The following CTNNA2 variants were observed in gnomAD, a reference collection of about 807,000 sequenced individuals.
CTNNA2 encodes the protein catenin alpha 2, also known as catenin alpha-2.
Under a neutral mutation model 101.0 loss-of-function variants are expected in CTNNA2, and 42 were observed. The ratio of observed to expected loss-of-function variants is 0.42; its 90% CI spans 0.32 to 0.54. CTNNA2 has a LOEUF of 0.54. Ranked by LOEUF, CTNNA2 falls within the 20% of genes least tolerant of loss-of-function variation. The pLI is 0.14. For missense variants in CTNNA2, 871 were observed against 1,223.1 expected (o/e 0.71, Z 4.29); for synonymous variants, 450 against 456.4 (o/e 0.99, Z 0.18).
At chr2:79,439,955 A>G (rs2104517417) in intron 4 of CTNNA2, among the ~76,000 whole-genome samples, 2 of 152,286 alleles carry the variant, frequency 1.3e-5, no homozygotes, top group Non-Finnish European at 2.9e-5. Flanking sequence ...AAGGTAAACT[A>G]TTAGATTTTT....
At chr2:80,351,913 T>C (rs1673337401) in intron 7 of CTNNA2, among the ~76,000 whole-genome samples, 2 of 152,112 alleles carry the variant, frequency 1.3e-5, no homozygotes, top group Admixed American at 1.3e-4. Context: ...ATTCAGCATA[T>C]TAGCCACTCA....
intron 13 of CTNNA2, chr2:80,576,251 T>C (rs941579615): frequency 6.6e-6 from 1 of 152,104 alleles, no homozygotes; most frequent in Non-Finnish European, 1.5e-5. Flanking sequence ...GGTATCCAAG[T>C]GCTTGAGGCC....
At chr2:79,978,344 G>A (rs886221390) in intron 7 of CTNNA2, among the ~76,000 whole-genome samples, 3 of 152,078 alleles carry the variant, frequency 2.0e-5, no homozygotes, top group African/African-American at 4.8e-5. Flanking sequence ...CTTTGTTTGG[G>A]ATGTGTGTTC....
chr2:79,567,925 A>G (rs1675216670), intron 1 of CTNNA2, among the ~76,000 whole-genome samples: 1 of 152,172 alleles, frequency 6.6e-6, no homozygotes, highest in Non-Finnish European at 1.5e-5. Context: ...GCCAGAGAAG[A>G]CTGGACTATT....
chr2:80,565,337 G>A (rs1693961567), intron 12 of CTNNA2, among the ~76,000 whole-genome samples: 1 of 152,092 alleles, frequency 6.6e-6, no homozygotes, highest in Admixed American at 6.6e-5. Flanking sequence ...CTTGTCCTGA[G>A]GGCAGATTAT....
At chr2:80,491,358 C>T (rs781020148) in intron 9 of CTNNA2, among the ~76,000 whole-genome samples, 7 of 152,148 alleles carry the variant, frequency 4.6e-5, no homozygotes, top group Non-Finnish European at 7.3e-5. Context: ...GGTGGGAGAA[C>T]GGCATGATCA....
chr2:79,810,307 TGA>T (rs1676907479), intron 3 of CTNNA2, among the ~76,000 whole-genome samples: 1 of 151,892 alleles, frequency 6.6e-6, no homozygotes, highest in African/African-American at 2.4e-5. Context: ...CGAGGGAGAA[TGA>T]GAGCCAAGCG....
intron 7 of CTNNA2, among the ~76,000 whole-genome samples, chr2:79,966,299 A>G (rs1376825544): frequency 6.6e-6 from 1 of 152,130 alleles, no homozygotes; most frequent in African/African-American, 2.4e-5. Context: ...GCAGTGGCAC[A>G]GTCATGGCTC....
At chr2:80,635,755 A>G (rs556555019) in intron 18 of CTNNA2, among the ~76,000 whole-genome samples, 9 of 151,830 alleles carry the variant, frequency 5.9e-5, no homozygotes, top group African/African-American at 2.2e-4. Flanking sequence ...ACTCTCATCA[A>G]TTGCTAGTGT....
chr2:79,372,068 G>A (rs1270324753), intron 3 of CTNNA2, among the ~76,000 whole-genome samples: 1 of 152,076 alleles, frequency 6.6e-6, no homozygotes, highest in Non-Finnish European at 1.5e-5. Flanking sequence ...ATGGATACCT[G>A]GGCCCTTGCC....
intron 3 of CTNNA2, among the ~76,000 whole-genome samples, chr2:79,826,464 T>C (rs1678447118): frequency 6.6e-6 from 1 of 152,210 alleles, no homozygotes; most frequent in African/African-American, 2.4e-5. Flanking sequence ...AGAGGGCAGT[T>C]ATAGGGATCT....
chr2:80,561,685 GA>G (rs1335684099), intron 12 of CTNNA2, among the ~76,000 whole-genome samples: 1 of 152,046 alleles, frequency 6.6e-6, no homozygotes, highest in Non-Finnish European at 1.5e-5. Flanking sequence ...TTTTTGAGAT[GA>G]AGTTTTGTTC....
chr2:79,401,142 A>G (rs1166966626), intron 4 of CTNNA2, among the ~76,000 whole-genome samples: 1 of 151,836 alleles, frequency 6.6e-6, no homozygotes, highest in Non-Finnish European at 1.5e-5. Flanking sequence ...GAATCCTTAT[A>G]AAGAAAAATG....
chr2:79,981,685 G>A (rs1195497328), intron 7 of CTNNA2, among the ~76,000 whole-genome samples: 2 of 152,226 alleles, frequency 1.3e-5, no homozygotes, highest in East Asian at 1.9e-4. Flanking sequence ...TTATCATAAT[G>A]TAAAGCAATT....
chr2:79,245,620 C>A (rs935706575), intron 2 of CTNNA2, among the ~76,000 whole-genome samples: 5 of 152,116 alleles, frequency 3.3e-5, no homozygotes, highest in African/African-American at 1.2e-4. Context: ...CATTTCAGTC[C>A]GATTAAAATT....
chr2:79,371,253 G>A (rs1677864811), intron 3 of CTNNA2, among the ~76,000 whole-genome samples: 1 of 152,002 alleles, frequency 6.6e-6, no homozygotes, highest in African/African-American at 2.4e-5. Flanking sequence ...GATGGAAGGA[G>A]CACTTCTCTC....
In CTNNA2 at chr2:80,302,885, G is replaced by A. The variant is rs1198962175; in HGVS notation, c.1057-90326G>A. 4 of 1,614,016 alleles carry A rather than the reference G, an allele frequency of 2.5e-6. No homozygotes were observed. The highest frequency in any genetic ancestry group is 1.1e-5 in the South Asian group (1 of 91,090). ...GCGCCCGCAATCCCACAGGTTCCCGGCCAGGGTGATGCTTGTCAGGGACTT... is the reference window on the plus strand; with the variant it reads ...GCGCCCGCAATCCCACAGGTTCCCGACCAGGGTGATGCTTGTCAGGGACTT... On this transcript the variant is annotated intron_variant, in intron 7 of 18. Transcript: ENST00000402739. This position sits in a 1 kb window ranked among gnomAD's most constrained non-coding sequence, Gnocchi z 6.4.
intron 1 of CTNNA2, among the ~76,000 whole-genome samples, chr2:79,636,224 C>T (rs1316568689): frequency 3.7e-5 from 5 of 134,984 alleles, no homozygotes; most frequent in Admixed American, 1.6e-4. Context: ...GAGCCGAGAT[C>T]GCGCCACTGC....
chr2:80,522,336 A>G (rs949688545), intron 9 of CTNNA2, among the ~76,000 whole-genome samples: 12 of 152,314 alleles, frequency 7.9e-5, no homozygotes, highest in African/African-American at 2.4e-4. Context: ...TGTTTGAGCA[A>G]TAAAGTTGGA....
Sources: gnomAD v4.1 joint callset for allele counts (sites outside exome capture counted in the v4.1 genomes callset) on GRCh38, gnomAD v4.1.1 for gene constraint, Gnocchi (gnomAD v3.1) non-coding constraint, MANE v1.5 for transcripts, NCBI Gene and HGNC (gene_info 2026-07-23, HGNC 2026-07-21) for gene names.